The following ZNF444 variants were observed in gnomAD, a reference collection of about 807,000 sequenced individuals.
The protein encoded by ZNF444 is zinc finger protein 444.
A neutral mutation model predicts 14.4 loss-of-function variants in ZNF444; 8 were observed. That is an observed-to-expected ratio of 0.56 (90% CI 0.33 to 1.00). ZNF444 has a LOEUF of 1.00. ZNF444 is among the 50% of genes least tolerant of loss of function. ZNF444 has a pLI of 0.03. For missense variants in ZNF444, 510 were observed against 504.8 expected (o/e 1.01, Z -0.10); for synonymous variants, 258 against 235.9 (o/e 1.09, Z -0.86).
intron 3 of ZNF444, among the ~76,000 whole-genome samples, chr19:56,152,092 G>A (rs997029916): frequency 1.3e-5 from 2 of 152,176 alleles, no homozygotes; most frequent in African/African-American, 4.8e-5. Context: ...AGCACTTTGG[G>A]AGGCCAAGGT....
chr19:56,140,190 G>C (rs1158309651), upstream of ZNF444, among the ~76,000 whole-genome samples: 1 of 152,110 alleles, frequency 6.6e-6, no homozygotes, highest in Non-Finnish European at 1.5e-5. Flanking sequence ...TCGTTTTTAT[G>C]GCGCGGAGTC....
intron 3 of ZNF444, chr19:56,155,645 G>C (rs1212718547): frequency 6.6e-6 from 1 of 152,444 alleles, no homozygotes; most frequent in Non-Finnish European, 1.5e-5. Flanking sequence ...GTCCGTCCTG[G>C]GTACTGGTGT....
chr19:56,142,247 A>AT (rs1438990190), intron 1 of ZNF444: 2 of 152,198 alleles, frequency 1.3e-5, no homozygotes, highest in Admixed American at 6.5e-5. Flanking sequence ...GGTTCTCAGC[A>AT]TTTTTGTTCT....
intron 4 of ZNF444, among the ~76,000 whole-genome samples, chr19:56,158,868 C>T (rs2032075187): frequency 6.6e-6 from 1 of 151,950 alleles, no homozygotes; most frequent in Non-Finnish European, 1.5e-5. Context: ...TATACCCACC[C>T]ATTCACCCAT....
chr19:56,142,700 T>C (rs544195093), intron 1 of ZNF444, among the ~76,000 whole-genome samples: 16 of 152,302 alleles, frequency 1.1e-4, no homozygotes, highest in Non-Finnish European at 1.8e-4. Context: ...GAGCTCTTGT[T>C]AGTCCTGTGT....
At chr19:56,146,800 T>TAA (rs527285934) in intron 2 of ZNF444, 90 bp from the exon 3 acceptor site, 3 of 1,011,514 alleles carry the variant, frequency 3.0e-6, no homozygotes, top group South Asian at 3.8e-5. Context: ...AAATAAAAAG[T>TAA]AAAAAAAAAG....
chr19:56,154,384 C>T (rs1238444423), intron 3 of ZNF444: 1 of 152,278 alleles, frequency 6.6e-6, no homozygotes, highest in Non-Finnish European at 1.5e-5. Context: ...TCACTGCAAC[C>T]TCCGCCTCCC....
chr19:56,139,722 A>AAAG (rs1555779824), upstream of ZNF444, among the ~76,000 whole-genome samples: 1 of 142,266 alleles, frequency 7.0e-6, no homozygotes, highest in African/African-American at 3.1e-5. Flanking sequence ...AACCAAAAAA[A>AAAG]AAAAAAGAAA....
intron 3 of ZNF444, among the ~76,000 whole-genome samples, chr19:56,148,483 C>T (rs2031349139): frequency 6.6e-6 from 1 of 152,168 alleles, no homozygotes; most frequent in Non-Finnish European, 1.5e-5. Context: ...CAGTCCATGG[C>T]AGCCGGGCGG....
Position 56,160,471 on chromosome 19 carries a change from A to C in ZNF444, c.*270A>C. The C allele has an allele frequency of 2.5e-6, 1 of 395,228 alleles. No homozygotes were observed. The highest frequency in any genetic ancestry group is 4.5e-6 in the Non-Finnish European group (1 of 222,100). 24.5% of individuals were successfully genotyped at this position (395,228 alleles called of 1,614,324 possible). A position where few individuals can be genotyped will look rare whatever the true frequency, so the allele number is the denominator to read the frequency against. ...TCTCTGTGTGAAGGGGCCTCTCCCT[A>C]ATGTCTCCTCCTTCCCCCCTCTTCT... On this transcript the variant is annotated 3_prime_UTR_variant, in exon 5 of 5. Transcript: ENST00000337080.
chr19:56,147,161 C>T lies in ZNF444; in HGVS notation c.250C>T (p.Gln84Ter). 2.0e-6 allele frequency: 3 copies of T among 1,507,886 alleles called. No homozygotes were observed. Among genetic ancestry groups the T allele is most frequent in the Admixed American group, 2.2e-5 (1 of 44,746 alleles). 93.4% of individuals were successfully genotyped at this position (1,507,886 alleles called of 1,614,324 possible). A position where few individuals can be genotyped will look rare whatever the true frequency, so the allele number is the denominator to read the frequency against. Residue 84 changes from glutamine to a stop codon, truncating the protein, a stop_gained, in exon 3 of 5, where the codon CAG (glutamine) becomes TAG (stop). Transcript: ENST00000337080. LOFTEE classifies it high-confidence loss of function. This position sits in a 1 kb window ranked among gnomAD's most constrained non-coding sequence, Gnocchi z 5.9. ...ADTQAWVCSR[Q>*]PQSGEEAVAL... The stretch of plus-strand genomic sequence containing the variant: ...CACGCAGGCCTGGGTGTGCAGCCGG[C>T]AGCCGCAGAGCGGGGAGGAGGCGGT...
At chr19:56,159,123 C>G (rs963122978) in intron 4 of ZNF444, among the ~76,000 whole-genome samples, 1 of 151,636 alleles carries the variant, frequency 6.6e-6, no homozygotes, top group Non-Finnish European at 1.5e-5. Flanking sequence ...CATCACCCAT[C>G]CGTCCATCTA....
chr19:56,141,028 G>C (rs1158233551), upstream of ZNF444: 5 of 152,178 alleles, frequency 3.3e-5, no homozygotes, highest in Non-Finnish European at 4.4e-5. Context: ...GGCCAAATAG[G>C]CTGCAGACGA....
chr19:56,135,503 G>A (rs907944340), intron 1 of ZNF444, among the ~76,000 whole-genome samples: 1 of 151,950 alleles, frequency 6.6e-6, no homozygotes, highest in Non-Finnish European at 1.5e-5. Flanking sequence ...AGGTTCCTCC[G>A]TCTCACCTCC....
rs1421676321 is a variant in ZNF444 at position 56,147,231 on chromosome 19, C to CGGGGAAGGGAGA, written c.297+32_297+43dup. 1 of 1,404,432 alleles carries CGGGGAAGGGAGA rather than the reference C, an allele frequency of 7.1e-7. No individual in the cohort carries two copies. The highest frequency in any genetic ancestry group is 1.5e-5 in the African/African-American group (1 of 66,108). 87.0% of individuals were successfully genotyped at this position (1,404,432 alleles called of 1,614,324 possible). On this transcript the variant is annotated intron_variant, in intron 3 of 4. Coordinates refer to ENST00000337080, the MANE Select transcript of ZNF444 (RefSeq NM_018337.4). This position sits in a 1 kb window ranked among gnomAD's most constrained non-coding sequence, Gnocchi z 5.9. ...TGGGTGAGCCTGGCGGGACTGCAAG[C>CGGGGAAGGGAGA]GGGGAAGGGAGAGGGGAAGGTGCCA...
chr19:56,152,619 G>C (rs1380211229), intron 3 of ZNF444, among the ~76,000 whole-genome samples: 2 of 152,076 alleles, frequency 1.3e-5, no homozygotes, highest in Admixed American at 6.6e-5. Context: ...TGTTTGGGCT[G>C]CTGTAACAAG....
At position 56,158,358 on chromosome 19, in the gene ZNF444, T is replaced by G. The variant is rs943050709; in HGVS notation, c.298-136T>G. ...CCTGGGGGCCTCTCTGTGGGGCAGC[T>G]TCAGTGTCGCCCAGCATGACTGTGG... On this transcript the variant is annotated intron_variant, in intron 3 of 4. Coordinates refer to ENST00000337080, the MANE Select transcript of ZNF444 (RefSeq NM_018337.4). 3.7e-6 allele frequency: 3 copies of G among 810,588 alleles called. No individual in the cohort carries two copies. The Admixed American group carries it at 1.1e-4, about 29-fold the overall frequency. 50.2% of individuals were successfully genotyped at this position (810,588 alleles called of 1,614,324 possible).
chr19:56,141,984 G>C (rs2030854559), intron 1 of ZNF444, among the ~76,000 whole-genome samples: 1 of 152,072 alleles, frequency 6.6e-6, no homozygotes, highest in Non-Finnish European at 1.5e-5. Context: ...CTTGTTGCAA[G>C]GCATTATTAC....
At chr19:56,141,864 T>TA (rs2030845373) in intron 1 of ZNF444, 1 of 152,082 alleles carries the variant, frequency 6.6e-6, no homozygotes, top group Non-Finnish European at 1.5e-5. Flanking sequence ...GTGGCTCGTT[T>TA]TGCGCGCTGC....
Sources: gnomAD v4.1 joint callset for allele counts (sites outside exome capture counted in the v4.1 genomes callset) on GRCh38, gnomAD v4.1.1 for gene constraint, Gnocchi (gnomAD v3.1) non-coding constraint, MANE v1.5 for transcripts, NCBI Gene and HGNC (gene_info 2026-07-23, HGNC 2026-07-21) for gene names.